Variants in CECR2 observed in about 807,000 individuals in gnomAD.
The protein encoded by CECR2 is chromatin remodeling regulator CECR2.
Under a neutral mutation model 154.5 loss-of-function variants are expected in CECR2, and 30 were observed. That is an observed-to-expected ratio of 0.19 (90% CI 0.15 to 0.26). The LOEUF (loss-of-function observed/expected upper bound fraction) is 0.26. CECR2 is among the 10% of genes least tolerant of loss of function. CECR2 has a pLI of 1.00. For synonymous variants in CECR2, 725 were observed against 683.7 expected, an observed-to-expected ratio of 1.06 and a Z score of -0.94; for missense variants, 1,743 against 1,829.3, an observed-to-expected ratio of 0.95 and a Z score of 0.86.
chr22:17,372,782 A>T (rs537100310), intron 1 of CECR2, among the ~76,000 whole-genome samples: 1 of 152,338 alleles, frequency 6.6e-6, no homozygotes, highest in East Asian at 1.9e-4. Context: ...AAAGGTAAAA[A>T]TGATAAATAA....
At position 17,548,901 on chromosome 22, in the gene CECR2, G is replaced by A. The variant is rs369716151; in HGVS notation, c.3614G>A (p.Cys1205Tyr). 1.1e-5 allele frequency: 17 copies of A among 1,613,230 alleles called. No individual in the cohort carries two copies. The highest frequency in any genetic ancestry group is 2.2e-5 in the East Asian group (1 of 44,866). The change falls in exon 17 of 19, where the codon TGT becomes TAT. Residue 1205 changes from cysteine (C) to tyrosine (Y), a missense_variant. Coordinates refer to ENST00000262608, the MANE Select transcript of CECR2 (RefSeq NM_001290047.2). ...TATCAGCGAACTCCTTACTATGCCT[G>A]TCCACAGAGCTTTTCTGACTGGCAG... Reference protein sequence around the residue: ...HHYQRTPYYACPQSFSDWQRP... With the variant: ...HHYQRTPYYAYPQSFSDWQRP...
chr22:17,486,539 A>G (rs1189908844), intron 2 of CECR2, among the ~76,000 whole-genome samples: 1 of 152,172 alleles, frequency 6.6e-6, no homozygotes, highest in Non-Finnish European at 1.5e-5. Flanking sequence ...AGCCACTGGG[A>G]AAGCCCACAT....
Position 17,548,143 on chromosome 22 carries a change from T to TTG in CECR2, c.2861-5_2861-4insTG. 1.0e-5 allele frequency: 15 copies of TTG among 1,462,514 alleles called. No individual in the cohort carries two copies. Among genetic ancestry groups the TTG allele is most frequent in the South Asian group, 2.7e-5 (2 of 73,638 alleles). 90.6% of individuals were successfully genotyped at this position (1,462,514 alleles called of 1,614,324 possible). ...TTTTTCTCCTCTTTTTTTTTTTTTT[T>TTG]GCAGCAGAGCCGTTGCCTGGCCTTG... On this transcript the variant is annotated splice_region_variant and splice_polypyrimidine_tract_variant and intron_variant, in intron 16 of 18. Coordinates refer to ENST00000262608, the MANE Select transcript of CECR2 (RefSeq NM_001290047.2).
chr22:17,535,247 G>A (rs1481189255), intron 9 of CECR2, among the ~76,000 whole-genome samples: 1 of 152,066 alleles, frequency 6.6e-6, no homozygotes, highest in East Asian at 1.9e-4. Context: ...GAACCTGGGA[G>A]GCGGAGGTTG....
chr22:17,442,477 G>A (rs1201973452), intron 1 of CECR2, among the ~76,000 whole-genome samples: 4 of 152,168 alleles, frequency 2.6e-5, no homozygotes, highest in Non-Finnish European at 4.4e-5. Context: ...TAGGGAGGCC[G>A]AGGCAGGAGG....
intron 9 of CECR2, among the ~76,000 whole-genome samples, chr22:17,527,985 A>G (rs1403636210): frequency 6.6e-6 from 1 of 152,218 alleles, no homozygotes; most frequent in African/African-American, 2.4e-5. Flanking sequence ...CCCGCTATGG[A>G]GAACAGCTTA....
chr22:17,375,163 G>C (rs552576793), intron 1 of CECR2, among the ~76,000 whole-genome samples: 4 of 152,308 alleles, frequency 2.6e-5, no homozygotes, highest in Non-Finnish European at 4.4e-5. Context: ...GCCCAGGCTA[G>C]AGTGCAGTGG....
rs150515736 is a variant in CECR2, at chr22:17,535,944, T to C, written c.1109-1159T>C. Among the ~76,000 whole-genome samples, 411 of 152,088 alleles carry C rather than the reference T, an allele frequency of 2.7e-3. 2 individuals are homozygous for C. Among genetic ancestry groups the C allele is most frequent in the African/African-American group, 7.7e-3 (319 of 41,484 alleles). ...ATCCCTTGTGGAACAGAAGCTAGAA[T>C]TGGGGAAGAAAGTAGAGGCTCAGGC... On this transcript the variant is annotated intron_variant, in intron 9 of 18. Coordinates refer to ENST00000262608, the MANE Select transcript of CECR2 (RefSeq NM_001290047.2).
intron 16 of CECR2, among the ~76,000 whole-genome samples, chr22:17,543,226 G>A (rs1009683757): frequency 1.9e-4 from 29 of 151,886 alleles, no homozygotes; most frequent in Admixed American, 1.0e-3. Flanking sequence ...TCCACCTCCC[G>A]GGTTCATGCC....
intron 9 of CECR2, among the ~76,000 whole-genome samples, chr22:17,529,631 C>T (rs1416331731): frequency 1.1e-4 from 16 of 150,508 alleles, no homozygotes; most frequent in Admixed American, 9.4e-4. Flanking sequence ...ACCCGGGAGG[C>T]GGAGCTTCCA....
chr22:17,552,787 T>TTTTTTTTTTTTTTTA, intron 18 of CECR2, 48 bp from the exon 19 acceptor site: 1 of 1,391,192 alleles, frequency 7.2e-7, no homozygotes, highest in African/African-American at 1.5e-5. Flanking sequence ...TTTTTTTTTT[T>TTTTTTTTTTTTTTTA]AACAACCCAA....
chr22:17,533,741 C>T (rs149116157), intron 9 of CECR2, among the ~76,000 whole-genome samples: 821 of 147,884 alleles, frequency 5.6e-3, no homozygotes, highest in Admixed American at 0.011. Context: ...TTTGAGATGA[C>T]GTTTCACCCT....
intron 5 of CECR2, among the ~76,000 whole-genome samples, chr22:17,502,332 G>C (rs1232130957): frequency 6.6e-6 from 1 of 152,142 alleles, no homozygotes; most frequent in Non-Finnish European, 1.5e-5. Context: ...AAATACACCT[G>C]TCTTCAGTGC....
chr22:17,363,626 A>G (rs1032823281), intron 1 of CECR2, among the ~76,000 whole-genome samples: 1 of 152,102 alleles, frequency 6.6e-6, no homozygotes, highest in Admixed American at 6.5e-5. Context: ...TACAGGCATG[A>G]GCCACCATAC....
chr22:17,494,073 A>T (rs1449531688), intron 2 of CECR2, among the ~76,000 whole-genome samples: 2 of 152,142 alleles, frequency 1.3e-5, no homozygotes, highest in Non-Finnish European at 2.9e-5. Context: ...AGCAGTTTTT[A>T]AAAAAACACT....
rs1034217441 is a variant in CECR2, at chr22:17,381,794, G to A, written c.126+11885G>A. Reference sequence around the variant, plus strand: ...AAGAGTTCAGAGGAAGGCAGAGATGGCGAGTGAAACGCTTCCTGGAGGAAG... The same window carrying A: ...AAGAGTTCAGAGGAAGGCAGAGATGACGAGTGAAACGCTTCCTGGAGGAAG... On this transcript the variant is annotated intron_variant, in intron 1 of 18. Transcript: ENST00000262608. 4.6e-5 allele frequency among the ~76,000 whole-genome samples: 7 copies of A among 152,156 alleles called. 1 individual carries two copies. Among genetic ancestry groups the A allele is most frequent in the Non-Finnish European group, 1.0e-4 (7 of 68,022 alleles).
chr22:17,454,104 T>G (rs540965274), intron 1 of CECR2, among the ~76,000 whole-genome samples: 1 of 152,340 alleles, frequency 6.6e-6, no homozygotes, highest in East Asian at 1.9e-4. Context: ...GTAAAGAGTT[T>G]AGCACAGTGT....
In CECR2 at chr22:17,552,873, A is replaced by G; in HGVS notation, c.*33A>G. ...AGGAAATGAGCCCCAAGCAATGGAAAGCTGCACACGAAGACTGGAATGTGG... is the reference window on the plus strand; with the variant it reads ...AGGAAATGAGCCCCAAGCAATGGAAGGCTGCACACGAAGACTGGAATGTGG... On this transcript the variant is annotated 3_prime_UTR_variant, in exon 19 of 19. Transcript: ENST00000262608. The G allele has an allele frequency of 6.5e-7, 1 of 1,547,460 alleles. No individual in the cohort carries two copies. The highest frequency in any genetic ancestry group is 2.4e-5 in the East Asian group (1 of 40,850).
rs59134897 is a variant in CECR2 at position 17,364,342 on chromosome 22, C to CAAAAAA, written c.-364+4334_-364+4339dup. Among the ~76,000 whole-genome samples, 1,180 of 52,778 alleles carry CAAAAAA rather than the reference C, an allele frequency of 0.022. 157 individuals are homozygous for CAAAAAA. The East Asian group carries it at 0.27, about 12-fold the overall frequency. 34.6% of individuals were successfully genotyped at this position (52,778 alleles called of 152,430 possible). On this transcript the variant is annotated intron_variant, in intron 1 of 18. Coordinates refer to the CECR2 transcript ENST00000400585. ...TGGACGACAGAGCAAGACTCTGTCT[C>CAAAAAA]AAAAAAAAAAAAAAAAAAAAGAATT...
Sources: allele counts gnomAD v4.1 joint callset (sites outside exome capture counted in the v4.1 genomes callset), GRCh38; gene constraint gnomAD v4.1.1; transcripts MANE v1.5; gene names NCBI Gene and HGNC (gene_info 2026-07-23, HGNC 2026-07-21).